Variants in WASHC2A observed in about 807,000 individuals in gnomAD.
WASHC2A encodes WASH complex subunit FAM21A.
WASHC2A carries 82 observed loss-of-function variants against 140.3 expected under a neutral mutation model. That is an observed-to-expected ratio of 0.58 (90% CI 0.49 to 0.70). WASHC2A has a LOEUF of 0.70. Among genes scored for constraint, WASHC2A ranks in the 30% least tolerant of loss-of-function variants. The pLI is 0.00. For synonymous variants in WASHC2A, 340 were observed against 560.8 expected (o/e 0.61, Z 5.56); for missense variants, 985 against 1,521.8 (o/e 0.65, Z 5.87).
rs1840013309 is a variant in WASHC2A at position 50,092,373 on chromosome 10, C to G, written c.1003+140C>G. On this transcript the variant is annotated intron_variant, in intron 11 of 30. Coordinates refer to ENST00000282633, the MANE Select transcript of WASHC2A (RefSeq NM_001005751.3). Reference sequence around the variant, plus strand: ...GTCTCCATTTACTTTTCTAAAGCCTCTGGGCTGGGCGCGGTGGCTCACACC... The same window carrying G: ...GTCTCCATTTACTTTTCTAAAGCCTGTGGGCTGGGCGCGGTGGCTCACACC... 3.3e-6 allele frequency: 5 copies of G among 1,530,628 alleles called. No individual in the cohort carries two copies. The East Asian group carries it at 1.2e-4, about 36-fold the overall frequency. 94.8% of individuals were successfully genotyped at this position (1,530,628 alleles called of 1,614,324 possible). A position where few individuals can be genotyped will look rare whatever the true frequency, so the allele number is the denominator to read the frequency against.
intron 3 of WASHC2A, among the ~76,000 whole-genome samples, chr10:50,072,451 G>A (rs1194062019): frequency 7.2e-6 from 1 of 139,816 alleles, no homozygotes; most frequent in Non-Finnish European, 1.5e-5. Context: ...AAAAAATATA[G>A]TTGCTGATAT....
At position 50,127,205 on chromosome 10, in the gene WASHC2A, C is replaced by A; in HGVS notation, c.2857C>A (p.Arg953=). ...APFKTKEPST[R]IGKIQANLAI... ...ATTTAAAACCAAAGAACCATCCACT[C>A]GGATCGGGAAGATACAAGTAATTAA... The change falls in exon 27 of 31, where the codon CGG becomes AGG. Residue 953 remains arginine (R), a synonymous_variant. Transcript: ENST00000282633. The A allele has an allele frequency of 6.2e-7, 1 of 1,612,054 alleles. No individual in the cohort carries two copies. Among genetic ancestry groups the A allele is most frequent in the Non-Finnish European group, 8.5e-7 (1 of 1,179,874 alleles).
At chr10:50,127,368 T>A in intron 27 of WASHC2A, 146 bp downstream of exon 27, 2 of 1,544,136 alleles carry the variant, frequency 1.3e-6, no homozygotes, top group Non-Finnish European at 8.9e-7. Context: ...GTCTCCTGTG[T>A]GCTGCGTCTT....
At chr10:50,105,200 C>T (rs1182028386) in intron 18 of WASHC2A, among the ~76,000 whole-genome samples, 1 of 151,810 alleles carries the variant, frequency 6.6e-6, no homozygotes. Flanking sequence ...GTCTTTCTTT[C>T]CCATCCTGGC....
At chr10:50,071,519 A>G (rs1419459974) in intron 3 of WASHC2A, among the ~76,000 whole-genome samples, 1 of 151,866 alleles carries the variant, frequency 6.6e-6, no homozygotes, top group Non-Finnish European at 1.5e-5. Context: ...GTTAGCCAGG[A>G]TGATCTCGAT....
At chr10:50,124,516 T>C (rs1166348936) in intron 23 of WASHC2A, among the ~76,000 whole-genome samples, 44,599 of 151,756 alleles carry the variant, frequency 0.29, 7,294 homozygotes, top group Middle Eastern at 0.41. Flanking sequence ...AACTTTTAAA[T>C]GTTAGATATC....
chr10:50,072,000 C>T (rs1401681240), intron 3 of WASHC2A, among the ~76,000 whole-genome samples: 9 of 136,192 alleles, frequency 6.6e-5, no homozygotes, highest in Non-Finnish European at 9.5e-5. Context: ...CATCCGCCTC[C>T]CGTGTTCAAG....
chr10:50,102,761 A>G (rs1180285366), intron 17 of WASHC2A, among the ~76,000 whole-genome samples: 3 of 150,364 alleles, frequency 2.0e-5, no homozygotes, highest in Non-Finnish European at 3.0e-5. Flanking sequence ...TCCCAAGGGA[A>G]TAGATGTCCC....
intron 29 of WASHC2A, 84 bp from the exon 30 acceptor site, chr10:50,130,817 T>C (rs2669756): frequency 0.6 from 958,090 of 1,592,880 alleles, 289,706 homozygotes; most frequent in East Asian, 0.72. Flanking sequence ...TGGCCAATTG[T>C]ATTTCCATAG....
chr10:50,078,516 C>T, intron 3 of WASHC2A, 159 bp from the exon 4 acceptor site: 2 of 929,978 alleles, frequency 2.2e-6, no homozygotes, highest in Non-Finnish European at 2.6e-6. Flanking sequence ...TGTCCATGAC[C>T]CACTGTTACG....
chr10:50,095,072 C>T, intron 13 of WASHC2A, 76 bp from the exon 14 acceptor site: 1 of 1,600,564 alleles, frequency 6.2e-7, no homozygotes, highest in Non-Finnish European at 8.5e-7. Flanking sequence ...TTTTACATCG[C>T]ACGTATTTCA....
intron 17 of WASHC2A, among the ~76,000 whole-genome samples, chr10:50,100,411 G>C (rs1841003763): frequency 1.3e-5 from 2 of 151,462 alleles, no homozygotes; most frequent in South Asian, 4.2e-4. Context: ...GAACCCGGGA[G>C]GCAGAAGTTG....
intron 16 of WASHC2A, among the ~76,000 whole-genome samples, chr10:50,099,352 C>T (rs1183276048): frequency 6.6e-6 from 1 of 151,040 alleles, no homozygotes; most frequent in Non-Finnish European, 1.5e-5. Context: ...TCACTGCAGC[C>T]TCAACCTCCT....
At chr10:50,081,169 G>A (rs1373882503) in intron 5 of WASHC2A, among the ~76,000 whole-genome samples, 1 of 145,280 alleles carries the variant, frequency 6.9e-6, no homozygotes, top group Non-Finnish European at 1.5e-5. Context: ...CTCTACTCTC[G>A]AGGTGTGTGT....
At chr10:50,100,833 C>T (rs1430829863) in intron 17 of WASHC2A, among the ~76,000 whole-genome samples, 1,941 of 152,252 alleles carry the variant, frequency 0.013, no homozygotes, top group African/African-American at 0.045. Flanking sequence ...TCCCTCCAGG[C>T]ACCTTAGAAC....
chr10:50,078,898 A>G (rs1238444541), intron 4 of WASHC2A, among the ~76,000 whole-genome samples, 161 bp downstream of exon 4: 1 of 152,204 alleles, frequency 6.6e-6, no homozygotes, highest in Non-Finnish European at 1.5e-5. Context: ...TGTTTCTGAA[A>G]TGTAGTGTAT....
chr10:50,072,991 C>G (rs1180457510), intron 3 of WASHC2A, among the ~76,000 whole-genome samples: 2 of 152,132 alleles, frequency 1.3e-5, no homozygotes, highest in African/African-American at 4.8e-5. Context: ...ACAATCCAGA[C>G]TTTCTAGGGC....
chr10:50,072,002 G>A (rs1297304686), intron 3 of WASHC2A, among the ~76,000 whole-genome samples: 2 of 132,326 alleles, frequency 1.5e-5, no homozygotes, highest in Admixed American at 1.6e-4. Context: ...TCCGCCTCCC[G>A]TGTTCAAGCA....
At chr10:50,113,566 T>C (rs1842458115) in intron 20 of WASHC2A, among the ~76,000 whole-genome samples, 1 of 151,642 alleles carries the variant, frequency 6.6e-6, no homozygotes, top group Non-Finnish European at 1.5e-5. Context: ...TTTTGTGCTA[T>C]AGGAAGTGGG....
Sources: gnomAD v4.1 joint callset for allele counts (sites outside exome capture counted in the v4.1 genomes callset) on GRCh38, gnomAD v4.1.1 for gene constraint, MANE v1.5 for transcripts, NCBI Gene and HGNC (gene_info 2026-07-23, HGNC 2026-07-21) for gene names.